The following EPHA6 variants were observed in gnomAD, a reference collection of about 807,000 sequenced individuals.
EPHA6 encodes ephrin type-A receptor 6.
EPHA6 carries 50 observed loss-of-function variants against 112.0 expected under a neutral mutation model. The ratio of observed to expected loss-of-function variants is 0.45; its 90% CI spans 0.36 to 0.56. EPHA6 has a LOEUF of 0.56. Ranked by LOEUF, EPHA6 falls within the 20% of genes least tolerant of loss-of-function variation. EPHA6 has a pLI of 0.00. For synonymous variants in EPHA6, 529 were observed against 490.7 expected, an observed-to-expected ratio of 1.08 and a Z score of -1.03; for missense variants, 1,280 against 1,417.4, an observed-to-expected ratio of 0.90 and a Z score of 1.56.
Position 97,475,850 on chromosome 3 carries a change from T to C in EPHA6, c.2003+390T>C, listed in dbSNP as rs142308751. The stretch of plus-strand genomic sequence containing the variant: ...GAAATATAATATTTTGTCAATTAAA[T>C]ATTGAAACTGTCTATGTTAGAATTA... On this transcript the variant is annotated intron_variant, in intron 8 of 17. Coordinates refer to ENST00000389672, the MANE Select transcript of EPHA6 (RefSeq NM_001080448.3). Among the ~76,000 whole-genome samples, 1,468 of 152,244 alleles carry C rather than the reference T, an allele frequency of 9.6e-3. 21 individuals are homozygous for C. The highest frequency in any genetic ancestry group is 0.032 in the African/African-American group (1,323 of 41,550).
At position 97,757,842 on chromosome 3, in the gene EPHA6, T is replaced by A. The variant is rs966322007; in HGVS notation, c.*9141T>A. Among the ~76,000 whole-genome samples, 18 of 151,932 alleles carry A rather than the reference T, an allele frequency of 1.2e-4. No individual in the cohort carries two copies. The highest frequency in any genetic ancestry group is 4.3e-4 in the African/African-American group (18 of 41,444). On this transcript the variant is annotated 3_prime_UTR_variant, in exon 18 of 18. Coordinates refer to ENST00000389672, the MANE Select transcript of EPHA6 (RefSeq NM_001080448.3). ...TTTAAAAAAGAGCCATTGTATTTTT[T>A]ATATTTCCATTCAGTCTCATTATGC...
intron 7 of EPHA6, among the ~76,000 whole-genome samples, chr3:97,473,973 A>G (rs899278429): frequency 6.6e-6 from 1 of 151,878 alleles, no homozygotes; most frequent in Non-Finnish European, 1.5e-5. Flanking sequence ...TGAAAACTGA[A>G]CATAAATGAC....
intron 14 of EPHA6, among the ~76,000 whole-genome samples, chr3:97,655,333 C>T (rs187397703): frequency 3.3e-5 from 5 of 151,726 alleles, no homozygotes; most frequent in Non-Finnish European, 5.9e-5. Context: ...CAGTAGTTTC[C>T]ACTGCAAATT....
intron 6 of EPHA6, among the ~76,000 whole-genome samples, chr3:97,416,950 T>A (rs2088178921): frequency 6.6e-6 from 1 of 152,100 alleles, no homozygotes; most frequent in Non-Finnish European, 1.5e-5. Context: ...CAGATCAAGG[T>A]AAGGCATTTA....
At chr3:97,266,453 A>G (rs1191888942) in intron 5 of EPHA6, among the ~76,000 whole-genome samples, 1 of 152,144 alleles carries the variant, frequency 6.6e-6, no homozygotes, top group Non-Finnish European at 1.5e-5. Context: ...TTATTTTCAC[A>G]TGAGCATGAT....
chr3:97,228,556 T>TAA (rs1400988174), intron 4 of EPHA6, among the ~76,000 whole-genome samples: 7 of 149,098 alleles, frequency 4.7e-5, no homozygotes, highest in African/African-American at 1.0e-4. Context: ...TATATATATA[T>TAA]AATGTAAATG....
chr3:97,618,376 C>G (rs976762175), intron 13 of EPHA6, among the ~76,000 whole-genome samples: 1 of 151,896 alleles, frequency 6.6e-6, no homozygotes, highest in Non-Finnish European at 1.5e-5. Context: ...AATGACAGAA[C>G]CAGGAGCAAA....
Position 97,736,174 on chromosome 3 carries a change from C to A in EPHA6, c.3128+56C>A, listed in dbSNP as rs1000578663. On this transcript the variant is annotated intron_variant, in intron 16 of 17. Coordinates refer to ENST00000389672, the MANE Select transcript of EPHA6 (RefSeq NM_001080448.3). The stretch of plus-strand genomic sequence containing the variant: ...CTTGACAATTATGGTTTCTTTCAGG[C>A]TATAGATAATAATAACAGGTAGAAA... 2.7e-5 allele frequency: 38 copies of A among 1,430,518 alleles called. No homozygotes were observed. The African/African-American group carries it at 4.2e-4, about 16-fold the overall frequency. 88.6% of individuals were successfully genotyped at this position (1,430,518 alleles called of 1,614,324 possible).
chr3:97,484,579 C>T (rs2091650539), intron 10 of EPHA6, among the ~76,000 whole-genome samples: 1 of 152,158 alleles, frequency 6.6e-6, no homozygotes, highest in Non-Finnish European at 1.5e-5. Flanking sequence ...ATACAAATTT[C>T]TTGTAAATCA....
chr3:97,019,299 G>C (rs977557686), intron 3 of EPHA6, among the ~76,000 whole-genome samples: 1 of 152,068 alleles, frequency 6.6e-6, no homozygotes, highest in African/African-American at 2.4e-5. Context: ...ATTGATACAA[G>C]ACTTTTCTAA....
intron 11 of EPHA6, among the ~76,000 whole-genome samples, chr3:97,539,973 G>T (rs1171600893): frequency 1.3e-5 from 2 of 152,128 alleles, no homozygotes; most frequent in African/African-American, 4.8e-5. Context: ...AGAAGCTGCT[G>T]CCCCAAAAAG....
chr3:96,952,766 C>T (rs568212956), intron 2 of EPHA6, among the ~76,000 whole-genome samples: 84 of 152,106 alleles, frequency 5.5e-4, no homozygotes, highest in Middle Eastern at 3.4e-3. Context: ...GACGGGAAAT[C>T]AAATACTGCA....
chr3:97,315,472 G>A (rs1294885342), intron 5 of EPHA6, among the ~76,000 whole-genome samples: 2 of 151,664 alleles, frequency 1.3e-5, no homozygotes, highest in African/African-American at 4.8e-5. Context: ...TGTGAATAGT[G>A]AGTGTGGCCC....
At chr3:96,906,978 G>A (rs2038967675) in intron 2 of EPHA6, among the ~76,000 whole-genome samples, 1 of 151,682 alleles carries the variant, frequency 6.6e-6, no homozygotes, top group African/African-American at 2.4e-5. Flanking sequence ...GAAGGAGAAT[G>A]GAATGGGGTT....
At chr3:97,744,354 A>C (rs1328024543) in intron 16 of EPHA6, among the ~76,000 whole-genome samples, 1 of 152,070 alleles carries the variant, frequency 6.6e-6, no homozygotes, top group Non-Finnish European at 1.5e-5. Context: ...TTGATAAGAA[A>C]GGGCATTTAT....
At chr3:97,459,653 C>T (rs1026134604) in intron 7 of EPHA6, among the ~76,000 whole-genome samples, 7 of 152,178 alleles carry the variant, frequency 4.6e-5, no homozygotes, top group East Asian at 3.9e-4. Context: ...GAAACCACTG[C>T]GAACACATCT....
Position 97,748,990 on chromosome 3 carries a change from G to T in EPHA6, c.*289G>T. The T allele has an allele frequency of 2.7e-6, 1 of 375,906 alleles. No individual in the cohort carries two copies. The highest frequency in any genetic ancestry group is 5.0e-6 in the Non-Finnish European group (1 of 200,806). The allele number at this position is 375,906 out of a possible 1,614,324, so 23.3% of individuals were successfully genotyped here. A position where few individuals can be genotyped will look rare whatever the true frequency, so the allele number is the denominator to read the frequency against. On this transcript the variant is annotated 3_prime_UTR_variant, in exon 18 of 18. Coordinates refer to ENST00000389672, the MANE Select transcript of EPHA6 (RefSeq NM_001080448.3). ...GTAATTTTGTATAAGCCGTATATGG[G>T]AAGTGTTCACGGACTTAACCTAAAA...
rs889564768 is a variant in EPHA6, at chr3:97,758,088, C to T, written c.*9387C>T. On this transcript the variant is annotated 3_prime_UTR_variant, in exon 18 of 18. Coordinates refer to ENST00000389672, the MANE Select transcript of EPHA6 (RefSeq NM_001080448.3). ...AAAGAACATATATTTTTTATAGTTACTTCTCACTACTTACTGCTTATTCAG... is the reference window on the plus strand; with the variant it reads ...AAAGAACATATATTTTTTATAGTTATTTCTCACTACTTACTGCTTATTCAG... Among the ~76,000 whole-genome samples, 1 of 151,928 alleles carries T rather than the reference C, an allele frequency of 6.6e-6. No individual in the cohort carries two copies. Among genetic ancestry groups the T allele is most frequent in the Admixed American group, 6.6e-5 (1 of 15,260 alleles).
At position 97,532,194 on chromosome 3, in the gene EPHA6, A is replaced by T. The variant is rs1577683266; in HGVS notation, c.2201-164A>T. Among the ~76,000 whole-genome samples, 4 of 152,210 alleles carry T rather than the reference A, an allele frequency of 2.6e-5. No homozygotes were observed. In the South Asian group the frequency reaches 6.2e-4, roughly 24 times the overall value. ...TCATTAGAAGTGTTGCTGATCAAGT[A>T]TATTATCCTTATAAACTTACTCTTT... On this transcript the variant is annotated intron_variant, in intron 10 of 17. Transcript: ENST00000389672.
Sources: gnomAD v4.1 joint callset for allele counts (sites outside exome capture counted in the v4.1 genomes callset) on GRCh38, gnomAD v4.1.1 for gene constraint, MANE v1.5 for transcripts, NCBI Gene and HGNC (gene_info 2026-07-23, HGNC 2026-07-21) for gene names.